Variants in SLC2A9 observed in about 807,000 individuals in gnomAD.
SLC2A9 encodes the protein solute carrier family 2 member 9, also known as solute carrier family 2, facilitated glucose transporter member 9.
Under a neutral mutation model 50.6 loss-of-function variants are expected in SLC2A9, and 39 were observed. That is an observed-to-expected ratio of 0.77 (90% confidence interval 0.60 to 1.01). The LOEUF (loss-of-function observed/expected upper bound fraction) is 1.01. SLC2A9 is among the 50% of genes least tolerant of loss of function. The pLI is 0.00. For synonymous variants in SLC2A9, 324 were observed against 276.9 expected (o/e 1.17, Z -1.69); for missense variants, 686 against 677.6 (o/e 1.01, Z -0.14).
At chr4:10,034,724 G>A (rs1764043328) in intron 1 of SLC2A9, 1 of 152,266 alleles carries the variant, frequency 6.6e-6, no homozygotes, top group African/African-American at 2.4e-5. Flanking sequence ...GATTGAAACA[G>A]TAGGTACACA....
At chr4:9,775,658 G>T (rs1577234893), downstream of SLC2A9, among the ~76,000 whole-genome samples, 1 of 152,046 alleles carries the variant, frequency 6.6e-6, no homozygotes, top group South Asian at 2.1e-4. Context: ...ACTCTCTCTT[G>T]CTTGTTCCTG....
intron 6 of SLC2A9, among the ~76,000 whole-genome samples, chr4:9,925,539 C>T (rs143925802): frequency 5.3e-5 from 8 of 152,300 alleles, no homozygotes; most frequent in Non-Finnish European, 1.2e-4. Flanking sequence ...CTATTCTGCC[C>T]GCCCCATGCT....
At chr4:10,022,837 G>C (rs1256157787), upstream of SLC2A9, among the ~76,000 whole-genome samples, 1 of 152,290 alleles carries the variant, frequency 6.6e-6, no homozygotes, top group African/African-American at 2.4e-5. Flanking sequence ...AAGCAAGTGG[G>C]GAATCAAGAC....
At chr4:10,033,164 C>T (rs897283250) in intron 1 of SLC2A9, among the ~76,000 whole-genome samples, 1 of 152,196 alleles carries the variant, frequency 6.6e-6, no homozygotes, top group Non-Finnish European at 1.5e-5. Flanking sequence ...CTTATTATCA[C>T]TTGCTCGAGT....
intron 3 of SLC2A9, among the ~76,000 whole-genome samples, chr4:9,995,115 C>G (rs997643743): frequency 6.6e-6 from 1 of 152,166 alleles, no homozygotes; most frequent in African/African-American, 2.4e-5. Flanking sequence ...GCTAGCTAAG[C>G]TTGTGCAGAT....
intron 3 of SLC2A9, among the ~76,000 whole-genome samples, chr4:9,780,501 C>G (rs190192544): frequency 3.3e-5 from 5 of 152,126 alleles, no homozygotes; most frequent in African/African-American, 1.2e-4. Flanking sequence ...AGGTGGGCCA[C>G]TTGCAGATGT....
chr4:9,847,061 G>A (rs1230649525), intron 10 of SLC2A9, among the ~76,000 whole-genome samples: 1 of 152,216 alleles, frequency 6.6e-6, no homozygotes, highest in Non-Finnish European at 1.5e-5. Flanking sequence ...CAGAACAGGA[G>A]TTCCTGCCTC....
chr4:9,784,598 A>G (rs1417551944), intron 3 of SLC2A9, among the ~76,000 whole-genome samples: 1 of 152,232 alleles, frequency 6.6e-6, no homozygotes, highest in Non-Finnish European at 1.5e-5. Context: ...ATGTGAATGA[A>G]CTTGAAATTG....
chr4:9,990,205 G>A (rs868016431), intron 3 of SLC2A9, among the ~76,000 whole-genome samples: 1 of 152,198 alleles, frequency 6.6e-6, no homozygotes, highest in East Asian at 1.9e-4. Flanking sequence ...GTAAATAATC[G>A]GATGAGGGAA....
chr4:9,939,900 T>C (rs1051900543), intron 6 of SLC2A9, among the ~76,000 whole-genome samples: 2 of 152,226 alleles, frequency 1.3e-5, no homozygotes, highest in South Asian at 4.1e-4. Flanking sequence ...TAGGTACAGA[T>C]GAAAATTTCA....
chr4:9,778,010 A>T (rs1372940466), downstream of SLC2A9, among the ~76,000 whole-genome samples: 1 of 152,008 alleles, frequency 6.6e-6, no homozygotes, highest in Non-Finnish European at 1.5e-5. Context: ...TCAAACTGAA[A>T]TGTTTTACTT....
chr4:9,961,638 TC>T (rs1752286907), intron 5 of SLC2A9, among the ~76,000 whole-genome samples: 1 of 152,124 alleles, frequency 6.6e-6, no homozygotes, highest in South Asian at 2.1e-4. Context: ...GGAATACCAT[TC>T]AGGACATAGG....
rs78580700 is a variant in SLC2A9, at chr4:9,956,935, T to C, written c.682-14890A>G. Among the ~76,000 whole-genome samples the C allele has an allele frequency of 3.5e-3, 530 of 152,156 alleles. 4 individuals carry two copies. The highest frequency in any genetic ancestry group is 0.012 in the African/African-American group (482 of 41,494). ...TTTAGCCCAGTTTTAGAAGATGGAA[T>C]AGCAAAGTGGAGGAAGTGGCACTCG... is the stretch of plus-strand genomic sequence containing the variant. On this transcript the variant is annotated intron_variant, in intron 5 of 11. Transcript: ENST00000264784.
chr4:10,008,870 G>A (rs1455782915), intron 2 of SLC2A9, among the ~76,000 whole-genome samples: 2 of 148,642 alleles, frequency 1.3e-5, no homozygotes, highest in Non-Finnish European at 3.0e-5. Flanking sequence ...GTTTGTATGT[G>A]TAGCTTCATT....
intron 6 of SLC2A9, among the ~76,000 whole-genome samples, chr4:9,932,637 G>A (rs894869353): frequency 2.0e-5 from 3 of 152,212 alleles, no homozygotes; most frequent in African/African-American, 7.2e-5. Context: ...GACATCTGGG[G>A]AAAGAGCCTT....
intron 2 of SLC2A9, among the ~76,000 whole-genome samples, chr4:10,005,681 G>T (rs12507050): frequency 0.44 from 66,452 of 152,136 alleles, 16,228 homozygotes; most frequent in South Asian, 0.58. Context: ...TGAATAAAAG[G>T]CTACATGGTT....
intron 1 of SLC2A9, among the ~76,000 whole-genome samples, chr4:10,039,007 G>A (rs1764195747): frequency 6.6e-6 from 1 of 152,170 alleles, no homozygotes; most frequent in Middle Eastern, 3.2e-3. Flanking sequence ...CGTAGACAAT[G>A]GTTAAACAGA....
chr4:10,019,730 G>T (rs948354610), intron 1 of SLC2A9, among the ~76,000 whole-genome samples: 1 of 152,250 alleles, frequency 6.6e-6, no homozygotes. Flanking sequence ...CCAGTCTGAG[G>T]CGTCAAACTA....
At chr4:9,799,285 C>CATTT (rs34063554) in intron 3 of SLC2A9, 75,544 of 149,370 alleles carry the variant, frequency 0.51, 20,545 homozygotes, top group Non-Finnish European at 0.62. Context: ...AAACAACAGA[C>CATTT]ATTTATTTAT....
Sources: gnomAD v4.1 joint callset for allele counts (sites outside exome capture counted in the v4.1 genomes callset) on GRCh38, gnomAD v4.1.1 for gene constraint, MANE v1.5 for transcripts, NCBI Gene and HGNC (gene_info 2026-07-23, HGNC 2026-07-21) for gene names.